BCKDHB: variants seen among roughly 807,000 people sequenced by gnomAD.
BCKDHB encodes branched chain keto acid dehydrogenase E1 subunit beta.
Under a neutral mutation model 48.5 loss-of-function variants are expected in BCKDHB, and 41 were observed. That is an observed-to-expected ratio of 0.85 (90% CI 0.66 to 1.10). The LOEUF (loss-of-function observed/expected upper bound fraction) is 1.10. Ranked by LOEUF, BCKDHB falls within the 50% of genes least tolerant of loss-of-function variation. BCKDHB has a pLI of 0.00. For synonymous variants in BCKDHB, 201 were observed against 174.8 expected (o/e 1.15, Z -1.18); for missense variants, 496 against 494.2 (o/e 1.00, Z -0.03).
chr6:80,425,389 A>G, the BCKDHB span, among the ~76,000 whole-genome samples: 372 of 152,308 alleles, frequency 2.4e-3, no homozygotes, highest in African/African-American at 8.1e-3. Context: ...ACCACCACAC[A>G]TCACTGAGAA....
intron 8 of BCKDHB, among the ~76,000 whole-genome samples, chr6:80,261,395 G>A (rs1292305435): frequency 1.3e-5 from 2 of 151,970 alleles, no homozygotes; most frequent in Non-Finnish European, 2.9e-5. Context: ...TCTGTGGCCA[G>A]GGGAGGAGGG....
intron 9 of BCKDHB, among the ~76,000 whole-genome samples, chr6:80,305,175 A>G (rs1178740983): frequency 6.6e-6 from 1 of 152,174 alleles, no homozygotes; most frequent in Non-Finnish European, 1.5e-5. Context: ...ATAAACATCA[A>G]TACAAATTGA....
chr6:80,204,770 AAG>A (rs1429584033), intron 8 of BCKDHB, among the ~76,000 whole-genome samples: 1 of 152,106 alleles, frequency 6.6e-6, no homozygotes, highest in African/African-American at 2.4e-5. Flanking sequence ...CGTGGAAGCA[AAG>A]AGAGTAGAGT....
intron 8 of BCKDHB, among the ~76,000 whole-genome samples, chr6:80,224,119 C>T (rs1775578381): frequency 6.6e-6 from 1 of 152,058 alleles, no homozygotes; most frequent in Non-Finnish European, 1.5e-5. Context: ...TTTCCACTGG[C>T]TAAGCTGTTC....
At chr6:80,154,988 A>G (rs1328849437) in intron 3 of BCKDHB, among the ~76,000 whole-genome samples, 3 of 152,168 alleles carry the variant, frequency 2.0e-5, no homozygotes, top group Non-Finnish European at 2.9e-5. Flanking sequence ...ACATGTATAA[A>G]TTTCCACAGA....
intron 9 of BCKDHB, among the ~76,000 whole-genome samples, chr6:80,302,020 A>G (rs945795273): frequency 1.3e-5 from 2 of 152,180 alleles, no homozygotes; most frequent in Admixed American, 6.5e-5. Flanking sequence ...AAAGCCATCT[A>G]TGACAAACCC....
At chr6:80,415,091 T>C in the BCKDHB span, among the ~76,000 whole-genome samples, 2 of 152,052 alleles carry the variant, frequency 1.3e-5, no homozygotes, top group Non-Finnish European at 2.9e-5. Context: ...TTTAGAAATG[T>C]TAGTGACTTT....
chr6:80,304,675 C>CA (rs1474243725), intron 9 of BCKDHB, among the ~76,000 whole-genome samples: 1 of 152,112 alleles, frequency 6.6e-6, no homozygotes, highest in African/African-American at 2.4e-5. Flanking sequence ...CACTCAGAAA[C>CA]ATAGGTGCAA....
intron 8 of BCKDHB, among the ~76,000 whole-genome samples, chr6:80,207,235 A>T (rs1323804783): frequency 2.6e-5 from 4 of 151,906 alleles, no homozygotes; most frequent in African/African-American, 9.7e-5. Flanking sequence ...AAATATATGG[A>T]ATTGAAATGT....
At chr6:80,447,241 T>C in the BCKDHB span, among the ~76,000 whole-genome samples, 2 of 152,260 alleles carry the variant, frequency 1.3e-5, no homozygotes, top group East Asian at 3.9e-4. Context: ...TCCTGCCTTA[T>C]TATATACTGT....
intron 9 of BCKDHB, among the ~76,000 whole-genome samples, chr6:80,277,299 G>C (rs922510289): frequency 6.6e-6 from 1 of 151,710 alleles, no homozygotes; most frequent in African/African-American, 2.4e-5. Context: ...GTAACCCCAG[G>C]TTTTTTTAAG....
chr6:80,214,984 A>G (rs1374667641), intron 8 of BCKDHB, among the ~76,000 whole-genome samples: 2 of 152,174 alleles, frequency 1.3e-5, no homozygotes, highest in Admixed American at 6.5e-5. Context: ...AGTAGTTTAT[A>G]TTTCTGAGGG....
intron 8 of BCKDHB, among the ~76,000 whole-genome samples, chr6:80,214,924 A>T (rs889333608): frequency 6.6e-6 from 1 of 152,184 alleles, no homozygotes; most frequent in African/African-American, 2.4e-5. Flanking sequence ...CCGTACAAGG[A>T]TATATGGGTT....
At chr6:80,412,278 G>A in the BCKDHB span, among the ~76,000 whole-genome samples, 13 of 151,442 alleles carry the variant, frequency 8.6e-5, no homozygotes, top group African/African-American at 3.2e-4. Flanking sequence ...TGAGTAGCTG[G>A]GACTACAGGC....
chr6:80,341,342 T>G (rs894934294), intron 9 of BCKDHB, among the ~76,000 whole-genome samples: 1 of 152,210 alleles, frequency 6.6e-6, no homozygotes, highest in Admixed American at 6.5e-5. Flanking sequence ...TATTTCAGCA[T>G]CATTTATTAC....
intron 9 of BCKDHB, among the ~76,000 whole-genome samples, chr6:80,298,836 A>C (rs1431275485): frequency 6.6e-6 from 1 of 152,180 alleles, no homozygotes; most frequent in African/African-American, 2.4e-5. Flanking sequence ...CTGAATCAGA[A>C]GTTCAGTCTG....
chr6:80,287,037 CA>C (rs1334857638), intron 9 of BCKDHB, among the ~76,000 whole-genome samples: 1 of 152,038 alleles, frequency 6.6e-6, no homozygotes, highest in Admixed American at 6.6e-5. Flanking sequence ...TATGTCAGGC[CA>C]AAGGGAGGTG....
intron 9 of BCKDHB, among the ~76,000 whole-genome samples, chr6:80,286,409 T>C (rs940925699): frequency 1.3e-5 from 2 of 152,194 alleles, no homozygotes; most frequent in African/African-American, 4.8e-5. Flanking sequence ...TTACTCAAAA[T>C]TGGGACAAAA....
rs76653318 is a variant in BCKDHB, at chr6:80,303,651, G to A, written c.1038+30430G>A. On this transcript the variant is annotated intron_variant, in intron 9 of 9. Transcript: ENST00000320393. ...ATAGATAAGTACATAAAATCCATGCGTGTGTGTGTGTGTGTGATCTGCTTC... is the reference window on the plus strand; with the variant it reads ...ATAGATAAGTACATAAAATCCATGCATGTGTGTGTGTGTGTGATCTGCTTC... Among the ~76,000 whole-genome samples, 1,417 of 150,074 alleles carry A rather than the reference G, an allele frequency of 9.4e-3. 28 individuals are homozygous for A. Among genetic ancestry groups the A allele is most frequent in the African/African-American group, 0.033 (1,343 of 40,834 alleles).
Sources: allele counts gnomAD v4.1 joint callset (sites outside exome capture counted in the v4.1 genomes callset), GRCh38; gene constraint gnomAD v4.1.1; transcripts MANE v1.5; gene names NCBI Gene and HGNC (gene_info 2026-07-23, HGNC 2026-07-21).